The following SCN11A variants were observed in gnomAD, a reference collection of about 807,000 sequenced individuals.
SCN11A encodes the protein sodium channel protein type 11 subunit alpha.
SCN11A carries 122 observed loss-of-function variants against 162.2 expected under a neutral mutation model. That is an observed-to-expected ratio of 0.75 (90% confidence interval 0.65 to 0.87). The LOEUF is 0.87. Ranked by LOEUF, SCN11A falls within the 40% of genes least tolerant of loss-of-function variation. SCN11A has a pLI of 0.00. For missense variants in SCN11A, 2,015 were observed against 2,181.6 expected (o/e 0.92, Z 1.52); for synonymous variants, 758 against 751.5 (o/e 1.01, Z -0.14).
chr3:38,899,918 C>T lies in SCN11A; in HGVS notation c.1998G>A (p.Trp666Ter), dbSNP rs1553638067. Residue 666 changes from tryptophan to a stop codon, truncating the protein, a stop_gained, in exon 17 of 30, where the codon TGG becomes TGA. Transcript: ENST00000302328. LOFTEE classifies it high-confidence loss of function. ...VMNCVLQKRS[W>*]PFLRSFRVLR... ...CCACTCTGAAGGAACGCAAGAATGG[C>T]CAGCTTCTCTTTTGAAGTACACAGT... 1.9e-6 allele frequency: 3 copies of T among 1,613,842 alleles called. No individual in the cohort carries two copies. The highest frequency in any genetic ancestry group is 2.5e-6 in the Non-Finnish European group (3 of 1,179,850).
chr3:38,852,952 CTTGA>C (rs1384523384), intron 28 of SCN11A, among the ~76,000 whole-genome samples: 1 of 152,158 alleles, frequency 6.6e-6, no homozygotes, highest in African/African-American at 2.4e-5. Context: ...TCATTGAAGG[CTTGA>C]TTGGTGAGTT....
At chr3:38,969,755 T>C (rs1325024323) in intron 2 of SCN11A, among the ~76,000 whole-genome samples, 1 of 152,228 alleles carries the variant, frequency 6.6e-6, no homozygotes, top group Non-Finnish European at 1.5e-5. Flanking sequence ...AGACAGTGTC[T>C]GATAACCGAA....
At chr3:39,011,949 T>C (rs778877349) in intron 2 of SCN11A, among the ~76,000 whole-genome samples, 9 of 152,218 alleles carry the variant, frequency 5.9e-5, no homozygotes, top group Non-Finnish European at 1.0e-4. Flanking sequence ...GGAAACTCTC[T>C]TATCTTTAAA....
intron 18 of SCN11A, 34 bp downstream of exon 18, chr3:38,896,811 T>TC (rs2065604685): frequency 2.8e-6 from 4 of 1,447,340 alleles, no homozygotes; most frequent in Non-Finnish European, 3.6e-6. Flanking sequence ...GTAGGATCTT[T>TC]TTTTTTTTTT....
chr3:38,995,993 G>A (rs1052140255), intron 2 of SCN11A, among the ~76,000 whole-genome samples: 1 of 152,154 alleles, frequency 6.6e-6, no homozygotes, highest in Non-Finnish European at 1.5e-5. Flanking sequence ...TGCAAAAGAT[G>A]AAGAGACACC....
Position 38,992,424 on chromosome 3 carries a change from G to T in SCN11A, c.-279-32001C>A, listed in dbSNP as rs565009599. Among the ~76,000 whole-genome samples, 29 of 152,264 alleles carry T rather than the reference G, an allele frequency of 1.9e-4. 1 individual carries two copies. The highest frequency in any genetic ancestry group is 7.0e-4 in the African/African-American group (29 of 41,556). On this transcript the variant is annotated intron_variant, in intron 2 of 29. Coordinates refer to ENST00000302328, the MANE Select transcript of SCN11A (RefSeq NM_001349253.2). The stretch of plus-strand genomic sequence containing the variant: ...ACATGCTGCTCTCCCCTTGGCTTAT[G>T]GTTTTACTAAATATAACTGCTGATT...
intron 2 of SCN11A, among the ~76,000 whole-genome samples, chr3:39,000,257 T>C (rs1302156088): frequency 1.3e-5 from 2 of 152,212 alleles, no homozygotes; most frequent in Non-Finnish European, 2.9e-5. Flanking sequence ...AGACTTAAAA[T>C]CCTTTCCCCC....
At chr3:38,941,574 A>C (rs2066443346) in intron 7 of SCN11A, among the ~76,000 whole-genome samples, 1 of 152,196 alleles carries the variant, frequency 6.6e-6, no homozygotes, top group Admixed American at 6.5e-5. Flanking sequence ...CAGGGGACTA[A>C]ACTGTGGCAT....
intron 2 of SCN11A, among the ~76,000 whole-genome samples, chr3:38,969,899 C>A (rs1263438557): frequency 5.9e-5 from 9 of 152,226 alleles, no homozygotes; most frequent in Non-Finnish European, 1.3e-4. Context: ...CACAAACCCC[C>A]CAATCTACCT....
intron 2 of SCN11A, among the ~76,000 whole-genome samples, chr3:39,014,145 G>A (rs902867558): frequency 6.6e-6 from 1 of 152,028 alleles, no homozygotes; most frequent in Admixed American, 6.6e-5. Context: ...CTGAATTTTT[G>A]TGGTCACTCT....
chr3:38,942,708 G>A (rs981008869), intron 7 of SCN11A, among the ~76,000 whole-genome samples: 2 of 152,042 alleles, frequency 1.3e-5, no homozygotes, highest in Non-Finnish European at 1.5e-5. Context: ...AGCAGTTCTT[G>A]GACAGAAATG....
intron 28 of SCN11A, among the ~76,000 whole-genome samples, chr3:38,851,939 T>A (rs2064787662): frequency 6.6e-6 from 1 of 152,070 alleles, no homozygotes; most frequent in South Asian, 2.1e-4. Context: ...TAGTTTCCGG[T>A]TGATAAAACC....
At chr3:38,892,688 C>T (rs952705673) in intron 19 of SCN11A, among the ~76,000 whole-genome samples, 5 of 151,976 alleles carry the variant, frequency 3.3e-5, no homozygotes, top group African/African-American at 1.2e-4. Flanking sequence ...TGGGTTTTAA[C>T]ATATATGAAT....
At chr3:38,927,019 T>A in intron 7 of SCN11A, 88 bp from the exon 8 acceptor site, 1 of 1,291,380 alleles carries the variant, frequency 7.7e-7, no homozygotes, top group South Asian at 1.6e-5. Flanking sequence ...CCTTGATTTT[T>A]TTTTCCATTT....
intron 2 of SCN11A, among the ~76,000 whole-genome samples, chr3:38,985,321 G>A (rs1190557070): frequency 2.0e-5 from 3 of 150,042 alleles, no homozygotes; most frequent in African/African-American, 2.5e-5. Context: ...TAGTAGAGAC[G>A]GGGTTTCACC....
At chr3:38,860,827 G>T (rs999455010) in intron 28 of SCN11A, among the ~76,000 whole-genome samples, 1 of 152,084 alleles carries the variant, frequency 6.6e-6, no homozygotes, top group African/African-American at 2.4e-5. Context: ...TGACAACTGG[G>T]ACAAGATAAG....
chr3:38,885,446 CTTCT>C, intron 20 of SCN11A, 44 bp from the exon 21 acceptor site: 1 of 1,012,994 alleles, frequency 9.9e-7, no homozygotes, highest in Non-Finnish European at 1.6e-6. Context: ...TTACTAAGAC[CTTCT>C]TTCACCATAG....
At chr3:38,933,999 A>C (rs2066287093) in intron 7 of SCN11A, among the ~76,000 whole-genome samples, 1 of 152,246 alleles carries the variant, frequency 6.6e-6, no homozygotes, top group Non-Finnish European at 1.5e-5. Flanking sequence ...CCACAAAGGG[A>C]AGCCCATCAG....
chr3:38,850,923 C>T (rs1461551514), intron 28 of SCN11A, among the ~76,000 whole-genome samples, 172 bp from the exon 29 acceptor site: 1 of 152,080 alleles, frequency 6.6e-6, no homozygotes, highest in Admixed American at 6.6e-5. Context: ...CCCAGGCTTG[C>T]CTTATATATT....
Sources: gnomAD v4.1 joint callset for allele counts (sites outside exome capture counted in the v4.1 genomes callset) on GRCh38, gnomAD v4.1.1 for gene constraint, MANE v1.5 for transcripts, NCBI Gene and HGNC (gene_info 2026-07-23, HGNC 2026-07-21) for gene names.